Variants in MGAT4A observed in about 807,000 individuals in gnomAD.
MGAT4A encodes the protein N-acetylglucosaminyltransferase IVa.
A neutral mutation model predicts 74.1 loss-of-function variants in MGAT4A; 33 were observed. That is an observed-to-expected ratio of 0.45 (90% CI 0.34 to 0.60). The LOEUF (loss-of-function observed/expected upper bound fraction) is 0.60. Ranked by LOEUF, MGAT4A falls within the 20% of genes least tolerant of loss-of-function variation. MGAT4A has a pLI of 0.02. For synonymous variants in MGAT4A, 198 were observed against 210.4 expected, an observed-to-expected ratio of 0.94 and a Z score of 0.51; for missense variants, 479 against 628.3, an observed-to-expected ratio of 0.76 and a Z score of 2.54.
At chr2:98,720,345 A>G (rs1702649868) in intron 2 of MGAT4A, among the ~76,000 whole-genome samples, 1 of 152,250 alleles carries the variant, frequency 6.6e-6, no homozygotes, top group South Asian at 2.1e-4. Context: ...GAGCCTGAGT[A>G]GATCAAAAAG....
At chr2:98,626,511 TG>T (rs1434473577) in intron 14 of MGAT4A, among the ~76,000 whole-genome samples, 1 of 151,972 alleles carries the variant, frequency 6.6e-6, no homozygotes, top group Non-Finnish European at 1.5e-5. Context: ...GACAAGAAAA[TG>T]GTTCATTGTG....
chr2:98,667,551 A>C lies in MGAT4A; in HGVS notation c.404-4372T>G, dbSNP rs190680308. Reference sequence around the variant, plus strand: ...AGGTGATTCTTGTTGTGTTTTAGCAAAGAGACTGGCAGCATTTTGCCCCTG... The same window carrying C: ...AGGTGATTCTTGTTGTGTTTTAGCACAGAGACTGGCAGCATTTTGCCCCTG... On this transcript the variant is annotated intron_variant, in intron 4 of 15. Coordinates refer to ENST00000393487, the MANE Select transcript of MGAT4A (RefSeq NM_012214.3). Among the ~76,000 whole-genome samples the C allele has an allele frequency of 7.9e-3, 1,202 of 152,302 alleles. 11 individuals are homozygous for C. The highest frequency in any genetic ancestry group is 0.012 in the Non-Finnish European group (824 of 68,014).
intron 2 of MGAT4A, among the ~76,000 whole-genome samples, chr2:98,717,901 C>T (rs779853093): frequency 3.9e-5 from 6 of 152,196 alleles, no homozygotes; most frequent in African/African-American, 9.7e-5. Context: ...ATGATGACGG[C>T]GTATTCCAAG....
At chr2:98,689,233 C>G (rs1702165111) in intron 2 of MGAT4A, among the ~76,000 whole-genome samples, 1 of 152,138 alleles carries the variant, frequency 6.6e-6, no homozygotes, top group Non-Finnish European at 1.5e-5. Context: ...ACTGGGAATT[C>G]AGGATTTTTC....
At chr2:98,702,143 C>T (rs539404742) in intron 2 of MGAT4A, among the ~76,000 whole-genome samples, 3 of 152,216 alleles carry the variant, frequency 2.0e-5, no homozygotes, top group Non-Finnish European at 4.4e-5. Flanking sequence ...GAGAACAGCA[C>T]AAGTCTGTGA....
In MGAT4A at chr2:98,621,648, C is replaced by T. The variant is rs988043117; in HGVS notation, c.*3918G>A. ...TATACAAGGTCATTGGTGGGGGTGTCAGTAGGGGTCATTCTTAGAAATTTG... is the reference window on the plus strand; with the variant it reads ...TATACAAGGTCATTGGTGGGGGTGTTAGTAGGGGTCATTCTTAGAAATTTG... On this transcript the variant is annotated 3_prime_UTR_variant, in exon 16 of 16. Coordinates refer to ENST00000393487, the MANE Select transcript of MGAT4A (RefSeq NM_012214.3). 3 of 1,446,856 alleles carry T rather than the reference C, an allele frequency of 2.1e-6. No homozygotes were observed. Among genetic ancestry groups the T allele is most frequent in the Admixed American group, 2.7e-5 (1 of 37,152 alleles). The allele number at this position is 1,446,856 out of a possible 1,614,324, so 89.6% of individuals were successfully genotyped here.
chr2:98,642,323 G>A (rs1701422743), intron 10 of MGAT4A, among the ~76,000 whole-genome samples: 1 of 152,152 alleles, frequency 6.6e-6, no homozygotes, highest in Admixed American at 6.5e-5. Context: ...GCCCAAGCAC[G>A]CTGATAACCC....
intron 8 of MGAT4A, among the ~76,000 whole-genome samples, chr2:98,649,200 C>T (rs886359097): frequency 2.6e-5 from 4 of 152,086 alleles, no homozygotes; most frequent in Admixed American, 6.5e-5. Flanking sequence ...AGGTACCTAT[C>T]AACAGTATGT....
chr2:98,636,454 G>C, intron 13 of MGAT4A, 63 bp downstream of exon 13: 1 of 1,228,888 alleles, frequency 8.1e-7, no homozygotes, highest in Admixed American at 1.8e-5. Context: ...AACAAGAAAA[G>C]CTTCAAGCTA....
chr2:98,653,600 C>T (rs1329369455), intron 8 of MGAT4A, among the ~76,000 whole-genome samples: 1 of 152,054 alleles, frequency 6.6e-6, no homozygotes, highest in Non-Finnish European at 1.5e-5. Context: ...CCTCTAAAAA[C>T]AATTTTCCAT....
At chr2:98,729,793 G>C (rs1196647412) in intron 1 of MGAT4A, among the ~76,000 whole-genome samples, 4 of 152,196 alleles carry the variant, frequency 2.6e-5, no homozygotes, top group Non-Finnish European at 5.9e-5. Flanking sequence ...ACAGGGTAGA[G>C]GTGACTTAAG....
At chr2:98,658,334 G>GAAATT in intron 5 of MGAT4A, 70 bp from the exon 6 acceptor site, 1 of 777,752 alleles carries the variant, frequency 1.3e-6, no homozygotes, top group Non-Finnish European at 2.1e-6. Context: ...TACTGAACTC[G>GAAATT]AAATTAAATG....
intron 8 of MGAT4A, among the ~76,000 whole-genome samples, chr2:98,647,064 A>C (rs1701496598): frequency 6.6e-6 from 1 of 152,264 alleles, no homozygotes; most frequent in African/African-American, 2.4e-5. Flanking sequence ...TCTTTATAGA[A>C]GAACTCAACA....
Position 98,623,306 on chromosome 2 carries a change from A to T in MGAT4A, c.*2260T>A, listed in dbSNP as rs556344687. ...TAGCCAGGCAGGCTGTCTTTAAAGA[A>T]GTTGTAACAAATCACACCAGGTGCT... On this transcript the variant is annotated 3_prime_UTR_variant, in exon 16 of 16. Transcript: ENST00000393487. The T allele has an allele frequency of 1.9e-4, 192 of 985,440 alleles. 3 individuals are homozygous for T. The South Asian group carries it at 2.1e-3, about 11-fold the overall frequency. The allele number at this position is 985,440 out of a possible 1,614,324, so 61.0% of individuals were successfully genotyped here.
At chr2:98,689,687 G>T (rs1275134890) in intron 2 of MGAT4A, among the ~76,000 whole-genome samples, 1 of 152,186 alleles carries the variant, frequency 6.6e-6, no homozygotes, top group Non-Finnish European at 1.5e-5. Context: ...GCCAGGCGTG[G>T]TGGCAGACGC....
chr2:98,626,518 T>A (rs192125113), intron 14 of MGAT4A, among the ~76,000 whole-genome samples: 2 of 152,184 alleles, frequency 1.3e-5, no homozygotes, highest in Admixed American at 1.3e-4. Flanking sequence ...AAATGGTTCA[T>A]TGTGGGCCAA....
At chr2:98,625,878 G>T in intron 14 of MGAT4A, 43 bp from the exon 15 acceptor site, 1 of 1,409,504 alleles carries the variant, frequency 7.1e-7, no homozygotes, top group Non-Finnish European at 9.9e-7. Context: ...ACCGAGATAA[G>T]CAAACATAAA....
chr2:98,654,136 G>T (rs1333704610), intron 8 of MGAT4A, among the ~76,000 whole-genome samples: 2 of 151,886 alleles, frequency 1.3e-5, no homozygotes, highest in South Asian at 4.1e-4. Flanking sequence ...AAAATGTGAC[G>T]AACTAGAAAT....
At chr2:98,683,108 A>T (rs568697164) in intron 2 of MGAT4A, among the ~76,000 whole-genome samples, 28 of 150,656 alleles carry the variant, frequency 1.9e-4, no homozygotes, top group African/African-American at 6.0e-4. Flanking sequence ...CAAAAAAAAT[A>T]AAAAAAATAA....
Sources: gnomAD v4.1 joint callset for allele counts (sites outside exome capture counted in the v4.1 genomes callset) on GRCh38, gnomAD v4.1.1 for gene constraint, MANE v1.5 for transcripts, NCBI Gene and HGNC (gene_info 2026-07-23, HGNC 2026-07-21) for gene names.